Variants in GPHN observed in about 807,000 individuals in gnomAD.
The protein encoded by GPHN is gephyrin.
Under a neutral mutation model 95.5 loss-of-function variants are expected in GPHN, and 17 were observed. The observed-to-expected ratio is 0.18, with a 90% CI of 0.12 to 0.27. GPHN has a LOEUF of 0.27. GPHN is among the 10% of genes least tolerant of loss of function. The pLI, the probability that GPHN is intolerant of heterozygous loss-of-function variation, is 1.00. For synonymous variants in GPHN, 320 were observed against 322.5 expected, an observed-to-expected ratio of 0.99 and a Z score of 0.08; for missense variants, 660 against 978.1, an observed-to-expected ratio of 0.67 and a Z score of 4.34.
At chr14:67,617,278 T>G in the GPHN span, 1 of 152,112 alleles carries the variant, frequency 6.6e-6, no homozygotes, top group Non-Finnish European at 1.5e-5. Context: ...CACCCAGCCT[T>G]TTTTTGTTTT....
chr14:67,347,344 G>T, the GPHN span: 5 of 1,332,356 alleles, frequency 3.8e-6, no homozygotes, highest in Non-Finnish European at 5.3e-6. Context: ...CCAGAACTTA[G>T]TTCATTTAAA....
the GPHN span, among the ~76,000 whole-genome samples, chr14:67,495,482 C>T: frequency 6.6e-6 from 1 of 151,840 alleles, no homozygotes; most frequent in South Asian, 2.1e-4. Context: ...TCACAGCCTT[C>T]TGGATTTTTT....
chr14:66,924,117 C>T (rs557734653), intron 7 of GPHN, 77 bp from the exon 8 acceptor site: 312 of 810,564 alleles, frequency 3.8e-4, no homozygotes, highest in Middle Eastern at 2.0e-3. Context: ...TACCTTTTTT[C>T]CTTTTTAGTC....
intron 1 of GPHN, among the ~76,000 whole-genome samples, chr14:66,548,750 G>A (rs1198045453): frequency 6.6e-6 from 1 of 152,178 alleles, no homozygotes; most frequent in Non-Finnish European, 1.5e-5. Context: ...AGCTAGAAAT[G>A]GTTAAGCTTA....
At chr14:67,647,288 A>ATG in the GPHN span, 5 of 351,612 alleles carry the variant, frequency 1.4e-5, no homozygotes, top group South Asian at 1.2e-4. Flanking sequence ...ATCTTCTGAG[A>ATG]TGACAAGCAT....
chr14:67,047,908 C>T (rs1249479611), intron 10 of GPHN, among the ~76,000 whole-genome samples: 1 of 152,120 alleles, frequency 6.6e-6, no homozygotes, highest in African/African-American at 2.4e-5. Flanking sequence ...TGCAGTGAGC[C>T]GTGATCACGC....
At chr14:66,942,091 A>C (rs755980952) in intron 8 of GPHN, among the ~76,000 whole-genome samples, 2 of 152,148 alleles carry the variant, frequency 1.3e-5, no homozygotes, top group Non-Finnish European at 2.9e-5. Flanking sequence ...GGCTCACTGC[A>C]ACCTCCACCT....
the GPHN span, among the ~76,000 whole-genome samples, chr14:67,248,372 C>G: frequency 1.3e-5 from 2 of 151,588 alleles, no homozygotes; most frequent in East Asian, 3.9e-4. Flanking sequence ...AAAAGGAAAC[C>G]AAATATAAGA....
At position 66,866,634 on chromosome 14, in the gene GPHN, T is replaced by A. The variant is rs1241296510; in HGVS notation, c.295-13305T>A. 2.6e-5 allele frequency among the ~76,000 whole-genome samples: 4 copies of A among 152,196 alleles called. No homozygotes were observed. In the East Asian group the frequency reaches 5.8e-4, roughly 22 times the overall value. ...TGGTTCTTGAACAGGGGTTGGGATC[T>A]AAATGTTAGCAAATACAGTGAGATT... On this transcript the variant is annotated intron_variant, in intron 4 of 22. Coordinates refer to ENST00000478722, the MANE Select transcript of GPHN (RefSeq NM_020806.5).
At chr14:67,310,979 T>G in the GPHN span, among the ~76,000 whole-genome samples, 1 of 152,196 alleles carries the variant, frequency 6.6e-6, no homozygotes, top group Admixed American at 6.5e-5. Flanking sequence ...CTGGTATTAC[T>G]TTTATTACAT....
chr14:66,926,028 T>G (rs957212317), intron 8 of GPHN, among the ~76,000 whole-genome samples: 2 of 152,258 alleles, frequency 1.3e-5, no homozygotes, highest in Admixed American at 1.3e-4. Flanking sequence ...TTCACATACT[T>G]GTTTACCATT....
At chr14:66,522,366 G>A (rs1269988043) in intron 1 of GPHN, among the ~76,000 whole-genome samples, 3 of 152,012 alleles carry the variant, frequency 2.0e-5, no homozygotes, top group Admixed American at 6.6e-5. Flanking sequence ...ACACTTGTCC[G>A]GGAGATGTTA....
the GPHN span, among the ~76,000 whole-genome samples, chr14:67,325,060 A>G: frequency 4.6e-5 from 7 of 151,722 alleles, no homozygotes; most frequent in Middle Eastern, 6.8e-3. Context: ...GCCCACCATC[A>G]TGCCTGGCTA....
At chr14:66,684,848 T>A (rs1215915232) in intron 2 of GPHN, among the ~76,000 whole-genome samples, 1 of 152,136 alleles carries the variant, frequency 6.6e-6, no homozygotes, top group Non-Finnish European at 1.5e-5. Context: ...TGTGCTGCAC[T>A]CATTAACTCG....
intron 1 of GPHN, among the ~76,000 whole-genome samples, chr14:66,621,613 C>T (rs138356930): frequency 0.062 from 8,918 of 143,912 alleles, 355 homozygotes; most frequent in Middle Eastern, 0.11. Context: ...TTAGTAGAGA[C>T]GGGGTTTCAC....
the GPHN span, among the ~76,000 whole-genome samples, chr14:67,557,664 C>T: frequency 6.6e-6 from 1 of 152,224 alleles, no homozygotes; most frequent in South Asian, 2.1e-4. Flanking sequence ...GTGTGAAGCC[C>T]ACCTCTAGCA....
chr14:67,371,532 G>A, the GPHN span, among the ~76,000 whole-genome samples: 1 of 152,138 alleles, frequency 6.6e-6, no homozygotes, highest in Non-Finnish European at 1.5e-5. Flanking sequence ...TTCATAGAGT[G>A]TGCTGCTTAC....
chr14:67,393,004 G>T, the GPHN span: 1 of 866,730 alleles, frequency 1.2e-6, no homozygotes, highest in South Asian at 1.5e-5. Flanking sequence ...AGCCGTGGCT[G>T]CACACCCACA....
the GPHN span, among the ~76,000 whole-genome samples, chr14:67,698,377 G>A: frequency 0.028 from 4,273 of 152,224 alleles, 216 homozygotes; most frequent in African/African-American, 0.098. Flanking sequence ...GAGGTGGGAG[G>A]ATTGTTTGAG....
Sources: allele counts gnomAD v4.1 joint callset (sites outside exome capture counted in the v4.1 genomes callset), GRCh38; gene constraint gnomAD v4.1.1; transcripts MANE v1.5; gene names NCBI Gene and HGNC (gene_info 2026-07-23, HGNC 2026-07-21).